Variants in NCOA6 observed in about 807,000 individuals in gnomAD.
NCOA6 encodes nuclear receptor coactivator 6, also known as NRC RAP250.
Under a neutral mutation model 171.4 loss-of-function variants are expected in NCOA6, and 49 were observed. The ratio of observed to expected loss-of-function variants is 0.29; its 90% confidence interval spans 0.23 to 0.36. The LOEUF (loss-of-function observed/expected upper bound fraction) is 0.36, where lower values mean the gene tolerates loss of function less well. Among genes scored for constraint, NCOA6 ranks in the 10% least tolerant of loss-of-function variants. NCOA6 has a pLI of 1.00. For synonymous variants in NCOA6, 910 were observed against 927.5 expected (o/e 0.98, Z 0.34); for missense variants, 2,248 against 2,554.5 (o/e 0.88, Z 2.59).
intron 1 of NCOA6, among the ~76,000 whole-genome samples, chr20:34,810,737 T>C (rs1032233114): frequency 6.6e-6 from 1 of 152,100 alleles, no homozygotes; most frequent in Non-Finnish European, 1.5e-5. Flanking sequence ...TTTGTATTTT[T>C]AGAAGAGTCG....
Position 34,782,309 on chromosome 20 carries a change from A to C in NCOA6, c.47T>G (p.Leu16Trp), listed in dbSNP as rs1183697131. The change falls in exon 3 of 15, where the codon TTG (leucine) becomes TGG (tryptophan). Residue 16 changes from leucine (L) to tryptophan (W), a missense_variant. Around this residue, in one of 7 missense-constraint regions of NCOA6, gnomAD observed 987 missense variants for 1,104.7 expected, o/e 0.89. Transcript: ENST00000359003. ...TGAGTCTTCCATTGTTGATGAACAC[A>C]AGGAAGTATAGATGTCTTCTAAGTT... ...LPNLEDIYTS[L>W]CSSTMEDSEM... is the part of the protein sequence containing the mutation. 6.2e-7 allele frequency: 1 copy of C among 1,612,690 alleles called. No homozygotes were observed. Among genetic ancestry groups the C allele is most frequent in the Non-Finnish European group, 8.5e-7 (1 of 1,179,456 alleles).
At chr20:34,782,452 TCAAC>T in intron 2 of NCOA6, 48 bp from the exon 3 acceptor site, 1 of 503,964 alleles carries the variant, frequency 2.0e-6, no homozygotes, top group Non-Finnish European at 3.4e-6. Context: ...AGTTATGCAT[TCAAC>T]AATGTATAAT....
chr20:34,781,642 G>A (rs917724565), intron 3 of NCOA6, among the ~76,000 whole-genome samples: 5 of 152,196 alleles, frequency 3.3e-5, no homozygotes, highest in African/African-American at 4.8e-5. Flanking sequence ...AAACACTAAC[G>A]TGGGCCAAAT....
At chr20:34,787,857 T>C (rs1389640495) in intron 2 of NCOA6, among the ~76,000 whole-genome samples, 1 of 152,018 alleles carries the variant, frequency 6.6e-6, no homozygotes, top group Non-Finnish European at 1.5e-5. Flanking sequence ...TGCAATTATA[T>C]TTATACCTAA....
Position 34,742,917 on chromosome 20 carries a change from G to C in NCOA6, c.3339C>G (p.Val1113=). 6.2e-7 allele frequency: 1 copy of C among 1,614,152 alleles called. No individual in the cohort carries two copies. Residue 1113 remains valine, a synonymous_variant, in exon 11 of 15, where the codon GTC becomes GTG. Coordinates refer to ENST00000359003, the MANE Select transcript of NCOA6 (RefSeq NM_014071.5). The stretch of plus-strand genomic sequence containing the variant: ...AAGGATTCTGCGGGCTCTCCTGATA[G>C]ACCATTTTCCTTGAATTGCTTCCCA... The part of the protein sequence containing the change: ...TPLGSNSRKM[V]YQESPQNPSS...
At position 34,715,346 on chromosome 20, in the gene NCOA6, T is replaced by A; in HGVS notation, c.6168A>T (p.Gln2056His). 2.5e-6 allele frequency: 4 copies of A among 1,613,962 alleles called. No homozygotes were observed. Among genetic ancestry groups the A allele is most frequent in the Non-Finnish European group, 3.4e-6 (4 of 1,179,838 alleles). ...SSTKDITSAVQSKRRKSK is the reference protein window; with the variant it reads ...SSTKDITSAVHSKRRKSK Reference sequence around the variant, plus strand: ...TTTACTTGGATTTTCTTCGCTTGGATTGCACCGCACTGGTTATGTCTGTGG... The same window carrying A: ...TTTACTTGGATTTTCTTCGCTTGGAATGCACCGCACTGGTTATGTCTGTGG... The change falls in exon 15 of 15, where the codon CAA becomes CAT. Residue 2056 changes from glutamine to histidine, a missense_variant. By Grantham distance (24) the Gln-to-His change is conservative. Coordinates refer to ENST00000359003, the MANE Select transcript of NCOA6 (RefSeq NM_014071.5).
intron 3 of NCOA6, among the ~76,000 whole-genome samples, chr20:34,780,593 G>A (rs536998638): frequency 3.3e-5 from 5 of 151,674 alleles, no homozygotes; most frequent in East Asian, 3.9e-4. Flanking sequence ...CAAGTGATCC[G>A]CCCACCTCGA....
In NCOA6 at chr20:34,803,165, G is replaced by A. The variant is rs182744422; in HGVS notation, c.-163-10602C>T. On this transcript the variant is annotated intron_variant, in intron 1 of 14. Transcript: ENST00000359003. ...ATGATCAAAAAGCTTGCTACACTTC[G>A]TAAGTAATCAAAGAAAAACAGGTCA... Among the ~76,000 whole-genome samples, 528 of 152,084 alleles carry A rather than the reference G, an allele frequency of 3.5e-3. 17 individuals carry two copies. In the South Asian group the frequency reaches 0.051, roughly 15 times the overall value.
At position 34,757,570 on chromosome 20, in the gene NCOA6, A is replaced by T. The variant is rs2076678520; in HGVS notation, c.1178T>A (p.Met393Lys). 6.2e-7 allele frequency: 1 copy of T among 1,613,806 alleles called. No homozygotes were observed. The highest frequency in any genetic ancestry group is 1.3e-5 in the African/African-American group (1 of 74,902). The change falls in exon 7 of 15, where the codon ATG becomes AAG. Residue 393 changes from methionine (M) to lysine (K), a missense_variant. By Grantham distance (95) the Met-to-Lys change is moderately conservative. Coordinates refer to ENST00000359003, the MANE Select transcript of NCOA6 (RefSeq NM_014071.5). ...ASQAHTNFPQMSNPGQFTAPQ... is the reference protein window; with the variant it reads ...ASQAHTNFPQKSNPGQFTAPQ... ...AGCTGTGAACTGGCCTGGGTTGCTC[A>T]TCTGAGGAAAGTTTGTGTGGGCTTG...
intron 3 of NCOA6, among the ~76,000 whole-genome samples, chr20:34,779,470 T>C (rs2077452909): frequency 2.0e-5 from 3 of 151,992 alleles, no homozygotes; most frequent in African/African-American, 4.8e-5. Flanking sequence ...GCTGAGATCA[T>C]GCCACTGCAT....
chr20:34,740,629 C>T lies in NCOA6; in HGVS notation c.5627G>A (p.Ser1876Asn), dbSNP rs371437347. Residue 1876 changes from serine to asparagine, a missense_variant, in exon 11 of 15, where the codon AGT becomes AAT. Ser to Asn is a conservative substitution (Grantham distance 46). Coordinates refer to ENST00000359003, the MANE Select transcript of NCOA6 (RefSeq NM_014071.5). ...GTEQLSTELDSKTPTPPAPTL... is the reference protein window; with the variant it reads ...GTEQLSTELDNKTPTPPAPTL... ...GGGTGCTGGGGGCGTTGGGGTTTTA[C>T]TGTCCAGCTCTGTGGATAACTGCTC... The T allele has an allele frequency of 9.9e-6, 16 of 1,614,206 alleles. No homozygotes were observed. Among genetic ancestry groups the T allele is most frequent in the Non-Finnish European group, 1.3e-5 (15 of 1,180,046 alleles).
chr20:34,782,606 G>A (rs529399616), intron 2 of NCOA6, among the ~76,000 whole-genome samples: 1 of 152,050 alleles, frequency 6.6e-6, no homozygotes, highest in Non-Finnish European at 1.5e-5. Flanking sequence ...AAATACACTA[G>A]TCTTAAATTT....
chr20:34,734,905 C>T (rs2075902588), intron 12 of NCOA6, among the ~76,000 whole-genome samples: 2 of 152,184 alleles, frequency 1.3e-5, no homozygotes. Flanking sequence ...GCCTCGGCCT[C>T]CCAAAGTGCT....
Position 34,749,795 on chromosome 20 carries a change from C to T in NCOA6, c.2400G>A (p.Gln800=). The T allele has an allele frequency of 6.2e-7, 1 of 1,614,250 alleles. No homozygotes were observed. Among genetic ancestry groups the T allele is most frequent in the Non-Finnish European group, 8.5e-7 (1 of 1,180,036 alleles). ...PPGPSPHMAQ[Q]HGDPATTANN... The stretch of plus-strand genomic sequence containing the variant: ...TTGCTGTAGTAGCAGGATCACCATG[C>T]TGCTGGGCCATGTGTGGGCTGGGCC... The change falls in exon 9 of 15, where the codon CAG becomes CAA. Residue 800 remains glutamine, a synonymous_variant. Transcript: ENST00000359003.
At chr20:34,779,832 T>C (rs1474655723) in intron 3 of NCOA6, among the ~76,000 whole-genome samples, 1 of 119,170 alleles carries the variant, frequency 8.4e-6, no homozygotes, top group Non-Finnish European at 1.8e-5. Flanking sequence ...CTTGTTCTAA[T>C]GTGGAAAAAA....
intron 14 of NCOA6, among the ~76,000 whole-genome samples, chr20:34,718,515 C>T (rs375127067): frequency 4.2e-5 from 6 of 143,368 alleles, no homozygotes; most frequent in Admixed American, 1.4e-4. Context: ...TTGCAAATTA[C>T]TTTTTTTTTT....
At chr20:34,718,903 A>G (rs1988943092) in intron 14 of NCOA6, among the ~76,000 whole-genome samples, 1 of 152,184 alleles carries the variant, frequency 6.6e-6, no homozygotes, top group South Asian at 2.1e-4. Flanking sequence ...GCTGTTCCTA[A>G]AGGCTGCCTG....
Position 34,740,703 on chromosome 20 carries a change from C to T in NCOA6, c.5553G>A (p.Glu1851=). The T allele has an allele frequency of 6.2e-7, 1 of 1,614,234 alleles. No homozygotes were observed. The highest frequency in any genetic ancestry group is 8.5e-7 in the Non-Finnish European group (1 of 1,180,044). ...KGEEQYGADG[E]TEGQGLDTTA... The stretch of plus-strand genomic sequence containing the variant: ...TGGTGTCTAGCCCTTGGCCTTCAGT[C>T]TCTCCATCTGCACCATATTGTTCTT... The change falls in exon 11 of 15, where the codon GAG becomes GAA. Residue 1851 remains glutamate (E), a synonymous_variant. Coordinates refer to ENST00000359003, the MANE Select transcript of NCOA6 (RefSeq NM_014071.5).
intron 8 of NCOA6, among the ~76,000 whole-genome samples, chr20:34,753,903 C>T (rs2076568548): frequency 6.6e-6 from 1 of 152,170 alleles, no homozygotes. Flanking sequence ...AAACTAGTTG[C>T]ACTATCTCAG....
Sources: allele counts gnomAD v4.1 joint callset (sites outside exome capture counted in the v4.1 genomes callset), GRCh38; gene constraint gnomAD v4.1.1; regional missense constraint gnomAD v4.1.1; transcripts MANE v1.5; gene names NCBI Gene and HGNC (gene_info 2026-07-23, HGNC 2026-07-21).